SLCO5A1: variants seen among roughly 807,000 people sequenced by gnomAD.
SLCO5A1 encodes the protein organic anion transporter polypeptide-related protein 4.
A neutral mutation model predicts 65.1 loss-of-function variants in SLCO5A1; 39 were observed. The ratio of observed to expected loss-of-function variants is 0.60; its 90% confidence interval spans 0.46 to 0.78. The LOEUF (loss-of-function observed/expected upper bound fraction) is 0.78. Among genes scored for constraint, SLCO5A1 ranks in the 30% least tolerant of loss-of-function variants. The probability of loss-of-function intolerance (pLI) is 0.00; values close to 1 mark genes in which losing one functional copy is unlikely to be tolerated. For synonymous variants in SLCO5A1, 438 were observed against 415.7 expected (o/e 1.05, Z -0.65); for missense variants, 1,029 against 1,069.4 (o/e 0.96, Z 0.53).
chr8:69,820,740 A>G (rs1820598803), intron 2 of SLCO5A1, among the ~76,000 whole-genome samples: 1 of 152,214 alleles, frequency 6.6e-6, no homozygotes, highest in Non-Finnish European at 1.5e-5. Flanking sequence ...TCATATTCAG[A>G]GAAAAAAATC....
chr8:69,705,970 G>T (rs925158196), intron 5 of SLCO5A1, among the ~76,000 whole-genome samples: 15 of 152,120 alleles, frequency 9.9e-5, no homozygotes, highest in African/African-American at 3.6e-4. Context: ...GTGCACATGG[G>T]TACCAAAAGA....
At chr8:69,818,268 C>T (rs1820486501) in intron 2 of SLCO5A1, among the ~76,000 whole-genome samples, 1 of 152,214 alleles carries the variant, frequency 6.6e-6, no homozygotes, top group African/African-American at 2.4e-5. Flanking sequence ...CAACCCCAAA[C>T]CCAGAGAGAG....
intron 2 of SLCO5A1, among the ~76,000 whole-genome samples, chr8:69,778,421 T>G (rs1389744705): frequency 6.6e-6 from 1 of 152,004 alleles, no homozygotes; most frequent in Non-Finnish European, 1.5e-5. Flanking sequence ...GTTGTATACT[T>G]AGAGTAGGTA....
intron 2 of SLCO5A1, among the ~76,000 whole-genome samples, chr8:69,818,041 C>A (rs1820476758): frequency 6.6e-6 from 1 of 152,150 alleles, no homozygotes; most frequent in African/African-American, 2.4e-5. Flanking sequence ...TAGAAAGTGG[C>A]ACTTCTTTTG....
At chr8:69,834,560 G>A (rs1246348809) in intron 1 of SLCO5A1, among the ~76,000 whole-genome samples, 1 of 152,094 alleles carries the variant, frequency 6.6e-6, no homozygotes, top group Non-Finnish European at 1.5e-5. Context: ...TGAGGAGCCG[G>A]GGAATCCCAG....
Position 69,832,483 on chromosome 8 carries a change from A to G in SLCO5A1, c.191T>C (p.Val64Ala). ...SGDANPAFGC[V>A]DSSGHQELKQ... The stretch of plus-strand genomic sequence containing the variant: ...CAACTCCTGGTGGCCCGAAGAATCC[A>G]CACAGCCAAAGGCCGGGTTGGCGTC... The change falls in exon 2 of 10, where the codon GTG (valine) becomes GCG (alanine). Residue 64 changes from valine to alanine, a missense_variant. Physicochemically the swap from Val to Ala is moderately conservative, Grantham distance 64. This residue lies in a region of SLCO5A1 where 647 missense variants were observed against 647.5 expected (regional missense o/e 1.00). Transcript: ENST00000260126. This position sits in a 1 kb window ranked among gnomAD's most constrained non-coding sequence, Gnocchi z 4.5. The G allele has an allele frequency of 1.9e-6, 3 of 1,612,022 alleles. No homozygotes were observed. The highest frequency in any genetic ancestry group is 1.1e-5 in the South Asian group (1 of 90,732).
intron 2 of SLCO5A1, among the ~76,000 whole-genome samples, chr8:69,776,108 A>G (rs1586787261): frequency 6.6e-6 from 1 of 152,228 alleles, no homozygotes; most frequent in East Asian, 1.9e-4. Context: ...GTGCAGAAAC[A>G]AAATCAATGA....
chr8:69,709,243 A>T (rs898733369), intron 5 of SLCO5A1, among the ~76,000 whole-genome samples: 9 of 152,202 alleles, frequency 5.9e-5, no homozygotes, highest in East Asian at 1.9e-4. Context: ...GGATGCAGAG[A>T]GGACTTAAAC....
At chr8:69,741,546 C>A (rs564699621) in intron 4 of SLCO5A1, among the ~76,000 whole-genome samples, 1 of 152,264 alleles carries the variant, frequency 6.6e-6, no homozygotes, top group South Asian at 2.1e-4. Flanking sequence ...CCACAAAGTT[C>A]TTTTTAATTA....
At chr8:69,743,546 C>T (rs1463942891) in intron 4 of SLCO5A1, among the ~76,000 whole-genome samples, 1 of 152,080 alleles carries the variant, frequency 6.6e-6, no homozygotes, top group Non-Finnish European at 1.5e-5. Flanking sequence ...CTTCGGTGAA[C>T]CTGAAAGGTG....
chr8:69,805,238 A>C (rs1214000429), intron 2 of SLCO5A1, among the ~76,000 whole-genome samples: 1 of 152,174 alleles, frequency 6.6e-6, no homozygotes, highest in Admixed American at 6.5e-5. Flanking sequence ...AGCTTGGAGC[A>C]AAGGAGGATT....
At chr8:69,704,722 T>G (rs1374335745) in intron 6 of SLCO5A1, among the ~76,000 whole-genome samples, 1 of 152,230 alleles carries the variant, frequency 6.6e-6, no homozygotes, top group African/African-American at 2.4e-5. Context: ...AAACACATAT[T>G]CCCTATTAAA....
chr8:69,738,379 C>G (rs1446440088), intron 4 of SLCO5A1, among the ~76,000 whole-genome samples, 175 bp from the exon 5 acceptor site: 2 of 147,824 alleles, frequency 1.4e-5, no homozygotes, highest in Non-Finnish European at 3.0e-5. Context: ...AATAGATTTT[C>G]TTTTGTTTTT....
intron 6 of SLCO5A1, among the ~76,000 whole-genome samples, chr8:69,703,456 G>T (rs1351231190): frequency 6.6e-6 from 1 of 152,222 alleles, no homozygotes; most frequent in Non-Finnish European, 1.5e-5. Context: ...TGAGACAGGA[G>T]ACTCACTTGT....
Position 69,671,414 on chromosome 8 carries a change from A to G in SLCO5A1, c.*1455T>C, listed in dbSNP as rs771200804. ...ATAGGCTCCTTGGCAGAAAAAGTTC[A>G]CAATTATATCAGCATTTGGCCCTTA... is the stretch of plus-strand genomic sequence containing the variant. On this transcript the variant is annotated 3_prime_UTR_variant, in exon 10 of 10. Coordinates refer to ENST00000260126, the MANE Select transcript of SLCO5A1 (RefSeq NM_030958.3). The G allele has an allele frequency of 2.0e-5, 3 of 152,230 alleles. No homozygotes were observed. Among genetic ancestry groups the G allele is most frequent in the Non-Finnish European group, 4.4e-5 (3 of 68,062 alleles). 9.4% of individuals were successfully genotyped at this position (152,230 alleles called of 1,614,324 possible).
At chr8:69,745,230 C>T (rs1816967054) in intron 4 of SLCO5A1, among the ~76,000 whole-genome samples, 1 of 151,660 alleles carries the variant, frequency 6.6e-6, no homozygotes, top group African/African-American at 2.4e-5. Flanking sequence ...CTTTTTTAAC[C>T]TTCATTAATT....
In SLCO5A1 at chr8:69,669,239, A is replaced by G. The variant is rs1244419205; in HGVS notation, c.*3630T>C. ...AAATCTAGTTAAACATTAAATCTTG[A>G]TATTTCCTACAGATGTTTCCTACAG... On this transcript the variant is annotated 3_prime_UTR_variant, in exon 10 of 10. Coordinates refer to ENST00000260126, the MANE Select transcript of SLCO5A1 (RefSeq NM_030958.3). 1 of 152,184 alleles carries G rather than the reference A, an allele frequency of 6.6e-6. No individual in the cohort carries two copies. Among genetic ancestry groups the G allele is most frequent in the Admixed American group, 6.5e-5 (1 of 15,280 alleles). The allele number at this position is 152,184 out of a possible 1,614,324, so 9.4% of individuals were successfully genotyped here.
At chr8:69,696,040 C>A (rs370848132) in intron 6 of SLCO5A1, among the ~76,000 whole-genome samples, 12 of 152,166 alleles carry the variant, frequency 7.9e-5, no homozygotes, top group African/African-American at 2.7e-4. Context: ...AAGATTGGAA[C>A]TCATACATTT....
intron 2 of SLCO5A1, among the ~76,000 whole-genome samples, chr8:69,771,804 A>AT (rs1365348220): frequency 3.3e-5 from 5 of 152,204 alleles, no homozygotes; most frequent in African/African-American, 1.2e-4. Flanking sequence ...GGCACATGGC[A>AT]TGTTTGATTA....
Sources: gnomAD v4.1 joint callset for allele counts (sites outside exome capture counted in the v4.1 genomes callset) on GRCh38, gnomAD v4.1.1 for gene constraint, gnomAD v4.1.1 regional missense constraint, Gnocchi (gnomAD v3.1) non-coding constraint, MANE v1.5 for transcripts, NCBI Gene and HGNC (gene_info 2026-07-23, HGNC 2026-07-21) for gene names.